PPP2R1A: variants seen among roughly 807,000 people sequenced by gnomAD.
PPP2R1A encodes serine/threonine-protein phosphatase 2A 65 kDa regulatory subunit A alpha isoform.
A neutral mutation model predicts 67.1 loss-of-function variants in PPP2R1A; 15 were observed. That is an observed-to-expected ratio of 0.22 (90% CI 0.15 to 0.34). The LOEUF is 0.34. Among genes scored for constraint, PPP2R1A ranks in the 10% least tolerant of loss-of-function variants. PPP2R1A has a pLI of 1.00. For synonymous variants in PPP2R1A, 337 were observed against 325.0 expected (o/e 1.04, Z -0.40); for missense variants, 369 against 775.0 (o/e 0.48, Z 6.22).
intron 1 of PPP2R1A, among the ~76,000 whole-genome samples, chr19:52,192,466 C>A (rs2089463231): frequency 6.6e-6 from 1 of 151,998 alleles, no homozygotes; most frequent in South Asian, 2.1e-4. Context: ...GGCCACCACG[C>A]CTGGCTGATT....
chr19:52,220,352 C>T lies in PPP2R1A; in HGVS notation c.1363+103C>T, dbSNP rs1184041851. On this transcript the variant is annotated intron_variant, in intron 11 of 14. Transcript: ENST00000322088. ...GCAGTGGAGGAGGCTAGAGTCACTC[C>T]CCACGCCGCTGGATGCTCGTATGGA... 4 of 1,253,524 alleles carry T rather than the reference C, an allele frequency of 3.2e-6. No homozygotes were observed. In the East Asian group the frequency reaches 7.0e-5, roughly 22 times the overall value. The allele number at this position is 1,253,524 out of a possible 1,614,324, so 77.7% of individuals were successfully genotyped here.
chr19:52,190,334 A>C (rs900693242), intron 1 of PPP2R1A, 160 bp downstream of exon 1: 1 of 829,892 alleles, frequency 1.2e-6, no homozygotes, highest in Non-Finnish European at 1.9e-6. Context: ...ACTCCTTGAG[A>C]CGGCGCTCCC....
intron 1 of PPP2R1A, among the ~76,000 whole-genome samples, chr19:52,200,870 C>A (rs2089540306): frequency 6.6e-6 from 1 of 152,254 alleles, no homozygotes; most frequent in Non-Finnish European, 1.5e-5. Context: ...TCAAGGCTAA[C>A]CCTCCGTTTA....
Position 52,216,181 on chromosome 19 carries a change from C to A in PPP2R1A, c.993+107C>A. 3 of 1,254,642 alleles carry A rather than the reference C, an allele frequency of 2.4e-6. No individual in the cohort carries two copies. The highest frequency in any genetic ancestry group is 3.4e-6 in the Non-Finnish European group (3 of 878,742). 77.7% of individuals were successfully genotyped at this position (1,254,642 alleles called of 1,614,324 possible). A position where few individuals can be genotyped will look rare whatever the true frequency, so the allele number is the denominator to read the frequency against. ...TCAGCTGCAAACTAGGTTCCCAGCCCTCTGGGACCAGGCAGCTCTTGGGTT... is the reference window on the plus strand; with the variant it reads ...TCAGCTGCAAACTAGGTTCCCAGCCATCTGGGACCAGGCAGCTCTTGGGTT... On this transcript the variant is annotated intron_variant, in intron 8 of 14. Coordinates refer to ENST00000322088, the MANE Select transcript of PPP2R1A (RefSeq NM_014225.6). The surrounding 1 kb of genome is among the most constrained non-coding windows in gnomAD (Gnocchi z 4.3).
At position 52,212,737 on chromosome 19, in the gene PPP2R1A, A is replaced by G. The variant is rs1600167971; in HGVS notation, c.555A>G (p.Ala185=). Residue 185 remains alanine (A), a synonymous_variant, in exon 5 of 15, where the codon GCA becomes GCG. Transcript: ENST00000322088. The surrounding 1 kb of genome is among the most constrained non-coding windows in gnomAD (Gnocchi z 4.1). Reference sequence around the variant, plus strand: ...ACACCCCCATGGTGCGGCGGGCCGCAGCCTCCAAGCTGGGGGAGTTTGCCA... The same window carrying G: ...ACACCCCCATGGTGCGGCGGGCCGCGGCCTCCAAGCTGGGGGAGTTTGCCA... ...SDDTPMVRRA[A]ASKLGEFAKV... is the part of the protein sequence containing the mutation. 6.2e-7 allele frequency: 1 copy of G among 1,614,034 alleles called. No homozygotes were observed. Among genetic ancestry groups the G allele is most frequent in the Non-Finnish European group, 8.5e-7 (1 of 1,180,026 alleles).
chr19:52,225,789 T>C lies in PPP2R1A; in HGVS notation c.1734T>C (p.Phe578=), dbSNP rs1437897666. The C allele has an allele frequency of 6.2e-7, 1 of 1,614,190 alleles. No homozygotes were observed. The highest frequency in any genetic ancestry group is 8.5e-7 in the Non-Finnish European group (1 of 1,180,018). ...TQDQDVDVKY[F]AQEALTVLSL... ...ACCAGGATGTGGACGTCAAATACTT[T>C]GCCCAGGAGGCTCTGACTGGTAAGA... The change falls in exon 14 of 15, where the codon TTT becomes TTC. Residue 578 remains phenylalanine, a synonymous_variant. Coordinates refer to ENST00000322088, the MANE Select transcript of PPP2R1A (RefSeq NM_014225.6).
At chr19:52,209,158 C>A (rs1400099534) in intron 3 of PPP2R1A, among the ~76,000 whole-genome samples, 1 of 152,176 alleles carries the variant, frequency 6.6e-6, no homozygotes, top group Non-Finnish European at 1.5e-5. Flanking sequence ...GAGAAGAGAA[C>A]CTTGGCTTAC....
chr19:52,215,103 T>C (rs948286825), intron 6 of PPP2R1A, among the ~76,000 whole-genome samples: 1 of 152,214 alleles, frequency 6.6e-6, no homozygotes, highest in Non-Finnish European at 1.5e-5. Context: ...TCACCCAGGC[T>C]GGAGTGCAGT....
chr19:52,219,765 C>G lies in PPP2R1A; in HGVS notation c.1203C>G (p.Ser401=). The change falls in exon 10 of 15, where the codon TCC becomes TCG. Residue 401 remains serine (S), a synonymous_variant. Coordinates refer to ENST00000322088, the MANE Select transcript of PPP2R1A (RefSeq NM_014225.6). This position sits in a 1 kb window ranked among gnomAD's most constrained non-coding sequence, Gnocchi z 4.0. ...VNEVIGIRQL[S]QSLLPAIVEL... ...AGGTGATTGGCATCCGGCAGCTGTC[C>G]CAGTCCCTGCTCCCTGCCATTGTGG... is the stretch of plus-strand genomic sequence containing the variant. 1 of 1,614,074 alleles carries G rather than the reference C, an allele frequency of 6.2e-7. No individual in the cohort carries two copies. Among genetic ancestry groups the G allele is most frequent in the Middle Eastern group, 1.6e-4 (1 of 6,062 alleles).
chr19:52,190,313 C>T (rs1353431456), intron 1 of PPP2R1A, 139 bp downstream of exon 1: 22 of 1,029,702 alleles, frequency 2.1e-5, no homozygotes, highest in South Asian at 7.8e-5. Flanking sequence ...CTTATCTCCC[C>T]GGTTGCCCGG....
At chr19:52,210,484 C>CT (rs112983236) in intron 3 of PPP2R1A, among the ~76,000 whole-genome samples, 10,772 of 126,898 alleles carry the variant, frequency 0.085, 536 homozygotes, top group East Asian at 0.14. Flanking sequence ...GTTTTCTCTT[C>CT]TTTTTTTTTT....
At chr19:52,208,852 C>G (rs761805687) in intron 3 of PPP2R1A, among the ~76,000 whole-genome samples, 1 of 152,204 alleles carries the variant, frequency 6.6e-6, no homozygotes, top group African/African-American at 2.4e-5. Flanking sequence ...CTGTTAAATT[C>G]TGGACCCTCT....
chr19:52,198,323 CA>C (rs1297254784), intron 1 of PPP2R1A, among the ~76,000 whole-genome samples: 1 of 152,084 alleles, frequency 6.6e-6, no homozygotes, highest in Non-Finnish European at 1.5e-5. Context: ...TTAATGAAAC[CA>C]AAAGCAGAAT....
Position 52,193,949 on chromosome 19 carries a change from CA to C in PPP2R1A, c.78+3791del, listed in dbSNP as rs781755185. Among the ~76,000 whole-genome samples the C allele has an allele frequency of 9.6e-3, 1,121 of 116,838 alleles. 11 individuals are homozygous for C. Among genetic ancestry groups the C allele is most frequent in the East Asian group, 0.055 (232 of 4,256 alleles). 76.7% of individuals were successfully genotyped at this position (116,838 alleles called of 152,430 possible). ...CAACAAAGTGAGACCCTGTCTCTACCAAAAAAAAAAAAAAAATTAGCTGGTG... is the reference window on the plus strand; with the variant it reads ...CAACAAAGTGAGACCCTGTCTCTACCAAAAAAAAAAAAAAATTAGCTGGTG... On this transcript the variant is annotated intron_variant, in intron 1 of 14. Coordinates refer to ENST00000322088, the MANE Select transcript of PPP2R1A (RefSeq NM_014225.6).
chr19:52,206,753 A>G (rs2089607028), intron 3 of PPP2R1A, among the ~76,000 whole-genome samples: 1 of 152,196 alleles, frequency 6.6e-6, no homozygotes, highest in African/African-American at 2.4e-5. Context: ...GATCCCAACA[A>G]GCAGCGTTGT....
chr19:52,202,640 G>T (rs1006815022), intron 2 of PPP2R1A, among the ~76,000 whole-genome samples: 2 of 152,242 alleles, frequency 1.3e-5, no homozygotes, highest in Non-Finnish European at 2.9e-5. Flanking sequence ...CCAAGGTCAT[G>T]CAGTGAGGAG....
At position 52,216,226 on chromosome 19, in the gene PPP2R1A, G is replaced by C; in HGVS notation, c.993+152G>C. 1.2e-6 allele frequency: 1 copy of C among 859,402 alleles called. No individual in the cohort carries two copies. The highest frequency in any genetic ancestry group is 1.8e-6 in the Non-Finnish European group (1 of 557,242). The allele number at this position is 859,402 out of a possible 1,614,324, so 53.2% of individuals were successfully genotyped here. A position where few individuals can be genotyped will look rare whatever the true frequency, so the allele number is the denominator to read the frequency against. The stretch of plus-strand genomic sequence containing the variant: ...TGGGTTTCAAGCAGTTAGGGGTCCT[G>C]ACTGCAGCTTGAGGCTGACCTTAAA... On this transcript the variant is annotated intron_variant, in intron 8 of 14. Coordinates refer to ENST00000322088, the MANE Select transcript of PPP2R1A (RefSeq NM_014225.6). The surrounding 1 kb of genome is among the most constrained non-coding windows in gnomAD (Gnocchi z 4.3).
rs967197765 is a variant in PPP2R1A, at chr19:52,219,119, T to C, written c.1129-572T>C. On this transcript the variant is annotated intron_variant, in intron 9 of 14. Transcript: ENST00000322088. This position sits in a 1 kb window ranked among gnomAD's most constrained non-coding sequence, Gnocchi z 4.0. ...TCTGAGCCTTCTCTTCTCATGCACATGTTCAGCAGCTTGAGGCTCACACAG... is the reference window on the plus strand; with the variant it reads ...TCTGAGCCTTCTCTTCTCATGCACACGTTCAGCAGCTTGAGGCTCACACAG... Among the ~76,000 whole-genome samples, 1 of 152,230 alleles carries C rather than the reference T, an allele frequency of 6.6e-6. No homozygotes were observed. Among genetic ancestry groups the C allele is most frequent in the Admixed American group, 6.5e-5 (1 of 15,286 alleles).
rs398035011 is a variant in PPP2R1A, at chr19:52,213,457, G to GTTT, written c.807+375_807+377dup. On this transcript the variant is annotated intron_variant, in intron 6 of 14. Transcript: ENST00000322088. The surrounding 1 kb of genome is among the most constrained non-coding windows in gnomAD (Gnocchi z 4.2). The stretch of plus-strand genomic sequence containing the variant: ...GCCCAAAAAGGTGGGGTTTTTTGGT[G>GTTT]TTTTTTTTTTTTTTTTTTTTTTTTT... 3.0e-3 allele frequency among the ~76,000 whole-genome samples: 216 copies of GTTT among 71,750 alleles called. 12 individuals carry two copies. The highest frequency in any genetic ancestry group is 6.0e-3 in the African/African-American group (111 of 18,372). 47.1% of individuals were successfully genotyped at this position (71,750 alleles called of 152,430 possible).
Sources: gnomAD v4.1 joint callset for allele counts (sites outside exome capture counted in the v4.1 genomes callset) on GRCh38, gnomAD v4.1.1 for gene constraint, Gnocchi (gnomAD v3.1) non-coding constraint, MANE v1.5 for transcripts, NCBI Gene and HGNC (gene_info 2026-07-23, HGNC 2026-07-21) for gene names.